MYO10: variants seen among roughly 807,000 people sequenced by gnomAD.
MYO10 encodes unconventional myosin-X.
A neutral mutation model predicts 257.3 loss-of-function variants in MYO10; 133 were observed. That is an observed-to-expected ratio of 0.52 (90% CI 0.45 to 0.60). The LOEUF is 0.60. Among genes scored for constraint, MYO10 ranks in the 20% least tolerant of loss-of-function variants. The probability of loss-of-function intolerance (pLI) is 0.00; values close to 1 mark genes in which losing one functional copy is unlikely to be tolerated. For synonymous variants in MYO10, 1,104 were observed against 1,028.6 expected (o/e 1.07, Z -1.40); for missense variants, 2,399 against 2,635.7 (o/e 0.91, Z 1.97).
At chr5:16,823,818 A>C (rs1355879245) in intron 2 of MYO10, among the ~76,000 whole-genome samples, 5 of 152,032 alleles carry the variant, frequency 3.3e-5, no homozygotes. Context: ...CTTTTCCTGA[A>C]GGAAACAAGG....
At chr5:16,714,884 G>A (rs747070541) in intron 19 of MYO10, among the ~76,000 whole-genome samples, 36 of 152,094 alleles carry the variant, frequency 2.4e-4, no homozygotes, top group Non-Finnish European at 4.1e-4. Context: ...AAAATAGAAA[G>A]AATGAATATT....
intron 2 of MYO10, among the ~76,000 whole-genome samples, chr5:16,833,880 TCTGATATTTCA>T (rs1743228862): frequency 6.6e-6 from 1 of 152,208 alleles, no homozygotes; most frequent in South Asian, 2.1e-4. Flanking sequence ...TGTAAGCAAC[TCTGATATTTCA>T]GTTAGTCATA....
rs1177469220 is a variant in MYO10 at position 16,862,460 on chromosome 5, C to T, written c.120+15149G>A. On this transcript the variant is annotated intron_variant, in intron 2 of 40. Transcript: ENST00000513610. ...TCTGATTTCTCTTCTGAAATCACACCGGCATTAAATGATGCTGTCTGATTC... is the reference window on the plus strand; with the variant it reads ...TCTGATTTCTCTTCTGAAATCACACTGGCATTAAATGATGCTGTCTGATTC... Among the ~76,000 whole-genome samples the T allele has an allele frequency of 3.9e-5, 6 of 152,272 alleles. No homozygotes were observed. The East Asian group carries it at 7.7e-4, about 20-fold the overall frequency.
intron 1 of MYO10, among the ~76,000 whole-genome samples, chr5:16,904,753 C>T (rs1443606311): frequency 2.0e-5 from 3 of 152,038 alleles, no homozygotes; most frequent in Non-Finnish European, 4.4e-5. Context: ...CACGGTGAAA[C>T]CCCGTCTCTA....
intron 1 of MYO10, among the ~76,000 whole-genome samples, chr5:16,898,101 C>T (rs1277275005): frequency 6.6e-6 from 1 of 152,060 alleles, no homozygotes; most frequent in Non-Finnish European, 1.5e-5. Context: ...GACAGTTCTA[C>T]TTGGGGAAAA....
intron 39 of MYO10, among the ~76,000 whole-genome samples, chr5:16,669,370 C>T (rs534612668): frequency 2.6e-5 from 4 of 152,220 alleles, no homozygotes; most frequent in Admixed American, 1.3e-4. Context: ...CATGCCACCA[C>T]GCCCAGCTAA....
At position 16,701,930 on chromosome 5, in the gene MYO10, T is replaced by G; in HGVS notation, c.2557-92A>C. On this transcript the variant is annotated intron_variant, in intron 24 of 40. Transcript: ENST00000513610. The surrounding 1 kb of genome is among the most constrained non-coding windows in gnomAD (Gnocchi z 8.1). ...TGCAACCAGGATGAAATATGGTCAT[T>G]ATGAGTTGGACTGTGTCCCCATAAA... 7.1e-7 allele frequency: 1 copy of G among 1,413,230 alleles called. No individual in the cohort carries two copies. The highest frequency in any genetic ancestry group is 9.5e-7 in the Non-Finnish European group (1 of 1,056,790). 87.5% of individuals were successfully genotyped at this position (1,413,230 alleles called of 1,614,324 possible). A position where few individuals can be genotyped will look rare whatever the true frequency, so the allele number is the denominator to read the frequency against.
chr5:16,849,644 G>A (rs955423161), intron 2 of MYO10, among the ~76,000 whole-genome samples: 1 of 151,982 alleles, frequency 6.6e-6, no homozygotes, highest in Non-Finnish European at 1.5e-5. Context: ...GTTAAACATC[G>A]GGCCAAAGAA....
At chr5:16,754,564 TAAAAA>T (rs200037446) in intron 19 of MYO10, among the ~76,000 whole-genome samples, 1 of 132,568 alleles carries the variant, frequency 7.5e-6, no homozygotes, top group African/African-American at 2.7e-5. Context: ...AACCAAACGC[TAAAAA>T]AAAAAAAAAG....
intron 39 of MYO10, among the ~76,000 whole-genome samples, 181 bp from the exon 40 acceptor site, chr5:16,668,649 T>A (rs1055631810): frequency 6.6e-6 from 1 of 152,162 alleles, no homozygotes; most frequent in Non-Finnish European, 1.5e-5. Context: ...CTATCTTGAT[T>A]TCTAACTAGT....
intron 15 of MYO10, among the ~76,000 whole-genome samples, 177 bp downstream of exon 15, chr5:16,762,368 T>TCTAA (rs1176453534): frequency 6.6e-6 from 1 of 152,210 alleles, no homozygotes; most frequent in Non-Finnish European, 1.5e-5. Flanking sequence ...TAGCTCCAAA[T>TCTAA]CTAACCCTTT....
At chr5:16,929,208 C>T (rs186368453) in intron 1 of MYO10, among the ~76,000 whole-genome samples, 1 of 152,170 alleles carries the variant, frequency 6.6e-6, no homozygotes, top group African/African-American at 2.4e-5. Context: ...CCACCTCGGC[C>T]TCCCAAAGTG....
intron 3 of MYO10, among the ~76,000 whole-genome samples, chr5:16,795,962 C>T (rs9790871): frequency 0.11 from 16,784 of 151,760 alleles, 1,060 homozygotes; most frequent in South Asian, 0.25. Context: ...GGCCGAGGTG[C>T]GAGGATCTCA....
At position 16,701,322 on chromosome 5, in the gene MYO10, T is replaced by G. The variant is rs769452028; in HGVS notation, c.3073A>C (p.Thr1025Pro). ...TCCTCCTCTGAAGAGTCATCGCTGG[T>G]CCGGATGCCACTTGTTCGCTGGTCT... ...HSDQRTSGIR[T>P]SDDSSEEDPY... Residue 1025 changes from threonine to proline, a missense_variant, in exon 25 of 41, where the codon ACC becomes CCC. Thr to Pro is a conservative substitution (Grantham distance 38). Coordinates refer to ENST00000513610, the MANE Select transcript of MYO10 (RefSeq NM_012334.3). The surrounding 1 kb of genome is among the most constrained non-coding windows in gnomAD (Gnocchi z 8.1). 3 of 1,613,816 alleles carry G rather than the reference T, an allele frequency of 1.9e-6. No homozygotes were observed. Among genetic ancestry groups the G allele is most frequent in the Non-Finnish European group, 1.7e-6 (2 of 1,179,778 alleles).
intron 19 of MYO10, among the ~76,000 whole-genome samples, chr5:16,734,696 T>C (rs1468181574): frequency 2.0e-5 from 3 of 151,976 alleles, no homozygotes; most frequent in Non-Finnish European, 4.4e-5. Context: ...TCCCAGCTAC[T>C]TGGGAGGCTA....
chr5:16,791,146 T>C (rs1394554837), intron 4 of MYO10, among the ~76,000 whole-genome samples: 2 of 152,034 alleles, frequency 1.3e-5, no homozygotes, highest in Non-Finnish European at 1.5e-5. Context: ...ATCTATGAAG[T>C]CCTATATAAT....
intron 1 of MYO10, among the ~76,000 whole-genome samples, chr5:16,917,516 G>A (rs1019914788): frequency 6.6e-6 from 1 of 151,918 alleles, no homozygotes; most frequent in Non-Finnish European, 1.5e-5. Flanking sequence ...AATATCCCCG[G>A]TGAGGCAAAA....
chr5:16,850,636 A>G (rs1295302926), intron 2 of MYO10, among the ~76,000 whole-genome samples: 1 of 152,004 alleles, frequency 6.6e-6, no homozygotes, highest in East Asian at 1.9e-4. Context: ...TAAATAGTAT[A>G]TGACTCAAAT....
intron 4 of MYO10, among the ~76,000 whole-genome samples, chr5:16,786,881 A>T (rs1560984265): frequency 6.6e-6 from 1 of 150,916 alleles, no homozygotes; most frequent in Non-Finnish European, 1.5e-5. Flanking sequence ...AAAAAAAAAA[A>T]TTTTTGGCCG....
Sources: gnomAD v4.1 joint callset for allele counts (sites outside exome capture counted in the v4.1 genomes callset) on GRCh38, gnomAD v4.1.1 for gene constraint, Gnocchi (gnomAD v3.1) non-coding constraint, MANE v1.5 for transcripts, NCBI Gene and HGNC (gene_info 2026-07-23, HGNC 2026-07-21) for gene names.